The following RPS6KC1 variants were observed in gnomAD, a reference collection of about 807,000 sequenced individuals.
RPS6KC1 encodes the protein inactive ribosomal protein S6 kinase delta-1.
In RPS6KC1, 54 loss-of-function variants were observed where a neutral mutation model predicts 103.8. That is an observed-to-expected ratio of 0.52 (90% CI 0.42 to 0.65). RPS6KC1 has a LOEUF of 0.65. Among genes scored for constraint, RPS6KC1 ranks in the 30% least tolerant of loss-of-function variants. The pLI is 0.00. For missense variants in RPS6KC1, 1,151 were observed against 1,253.8 expected (o/e 0.92, Z 1.24); for synonymous variants, 439 against 438.7 (o/e 1.00, Z -0.01).
At chr1:213,657,385 A>G in the RPS6KC1 span, among the ~76,000 whole-genome samples, 151,302 of 152,256 alleles carry the variant, frequency 0.99, 75,182 homozygotes, top group East Asian at 1. Context: ...TAGTTGGATG[A>G]TGAAGAATTG....
At chr1:213,661,672 C>G in the RPS6KC1 span, among the ~76,000 whole-genome samples, 4 of 152,084 alleles carry the variant, frequency 2.6e-5, no homozygotes, top group Non-Finnish European at 4.4e-5. Flanking sequence ...TTGAATGAAA[C>G]AATTAGGGAT....
the RPS6KC1 span, among the ~76,000 whole-genome samples, chr1:213,744,583 A>G: frequency 6.6e-6 from 1 of 151,994 alleles, no homozygotes; most frequent in Admixed American, 6.6e-5. Flanking sequence ...TAGTTTCTTT[A>G]TCTGTAAAAT....
At chr1:213,196,490 A>G (rs1047300826) in intron 8 of RPS6KC1, among the ~76,000 whole-genome samples, 1 of 152,132 alleles carries the variant, frequency 6.6e-6, no homozygotes, top group Non-Finnish European at 1.5e-5. Context: ...GTTTAACTAC[A>G]TCCCATCTAT....
the RPS6KC1 span, among the ~76,000 whole-genome samples, chr1:213,426,368 C>A: frequency 1.3e-5 from 2 of 152,118 alleles, no homozygotes; most frequent in African/African-American, 4.8e-5. Flanking sequence ...TGGGCCACCT[C>A]ATGCCCTCGG....
At chr1:213,857,300 C>T in the RPS6KC1 span, among the ~76,000 whole-genome samples, 1 of 152,182 alleles carries the variant, frequency 6.6e-6, no homozygotes, top group African/African-American at 2.4e-5. Context: ...GAATTTCAGA[C>T]TCCTCATGAA....
At chr1:213,657,037 G>A in the RPS6KC1 span, among the ~76,000 whole-genome samples, 1 of 152,154 alleles carries the variant, frequency 6.6e-6, no homozygotes, top group African/African-American at 2.4e-5. Context: ...GCTGAAGAGA[G>A]GGAAGAAATG....
At chr1:213,844,008 A>T in the RPS6KC1 span, among the ~76,000 whole-genome samples, 1 of 152,128 alleles carries the variant, frequency 6.6e-6, no homozygotes, top group Non-Finnish European at 1.5e-5. Context: ...GGGGAAAAAA[A>T]AAAAGAAGAA....
the RPS6KC1 span, among the ~76,000 whole-genome samples, chr1:213,418,814 C>T: frequency 2.6e-5 from 4 of 152,164 alleles, no homozygotes; most frequent in Non-Finnish European, 5.9e-5. Flanking sequence ...CCGGGGTGAG[C>T]GTTTTCTAGC....
chr1:213,712,979 T>A, the RPS6KC1 span, among the ~76,000 whole-genome samples: 8 of 152,124 alleles, frequency 5.3e-5, no homozygotes, highest in Non-Finnish European at 1.5e-5. Flanking sequence ...TGGGAATCGG[T>A]TTTTGGTTAC....
intron 6 of RPS6KC1, among the ~76,000 whole-genome samples, chr1:213,165,304 C>T (rs1316540240): frequency 1.3e-5 from 2 of 152,160 alleles, no homozygotes; most frequent in East Asian, 3.8e-4. Flanking sequence ...GATCTCAGCT[C>T]AGTGCAACCT....
At position 213,232,200 on chromosome 1, in the gene RPS6KC1, G is replaced by A; in HGVS notation, c.1170G>A (p.Leu390=). The part of the protein sequence containing the change: ...IPRCVPNMVC[L]HKYIISEESV... ...GCTGTGTGCCCAACATGGTGTGTCT[G>A]CATAAGTACATCATCTCTGAGGAGT... Residue 390 remains leucine, a synonymous_variant, in exon 10 of 15, where the codon CTG becomes CTA. Coordinates refer to ENST00000366960, the MANE Select transcript of RPS6KC1 (RefSeq NM_012424.6). 1.2e-6 allele frequency: 2 copies of A among 1,614,036 alleles called. No individual in the cohort carries two copies. Among genetic ancestry groups the A allele is most frequent in the Non-Finnish European group, 1.7e-6 (2 of 1,179,902 alleles).
the RPS6KC1 span, among the ~76,000 whole-genome samples, chr1:213,826,217 T>A: frequency 6.6e-6 from 1 of 152,208 alleles, no homozygotes. Context: ...TAATAGAATT[T>A]TTTTAAGTTT....
chr1:213,747,845 C>T, the RPS6KC1 span, among the ~76,000 whole-genome samples: 1 of 152,142 alleles, frequency 6.6e-6, no homozygotes, highest in African/African-American at 2.4e-5. Context: ...CAACATTTCT[C>T]AAATTCAGTG....
At position 213,129,995 on chromosome 1, in the gene RPS6KC1, A is replaced by C. The variant is rs962151020; in HGVS notation, c.835+106A>C. ...TATAGTCTTATGGAAATAATACTGA[A>C]AATGAGAAATTACTGAAGCTTAAAA... On this transcript the variant is annotated intron_variant, in intron 6 of 14. Coordinates refer to ENST00000366960, the MANE Select transcript of RPS6KC1 (RefSeq NM_012424.6). 1.9e-5 allele frequency: 21 copies of C among 1,134,262 alleles called. 1 individual carries two copies. The South Asian group carries it at 3.5e-4, about 19-fold the overall frequency. 70.3% of individuals were successfully genotyped at this position (1,134,262 alleles called of 1,614,324 possible).
chr1:213,661,540 T>A, the RPS6KC1 span, among the ~76,000 whole-genome samples: 2 of 152,326 alleles, frequency 1.3e-5, no homozygotes, highest in East Asian at 3.9e-4. Context: ...TAAAGGTCAG[T>A]CTGAATCAGG....
At chr1:213,127,304 C>T (rs1251800729) in intron 5 of RPS6KC1, among the ~76,000 whole-genome samples, 1 of 152,170 alleles carries the variant, frequency 6.6e-6, no homozygotes, top group Non-Finnish European at 1.5e-5. Context: ...GGCAGTGTCA[C>T]CAAACCGTAA....
At chr1:213,152,685 G>A (rs1467327786) in intron 6 of RPS6KC1, among the ~76,000 whole-genome samples, 8 of 151,828 alleles carry the variant, frequency 5.3e-5, no homozygotes, top group African/African-American at 1.9e-4. Flanking sequence ...ATGTGATGGC[G>A]GCCGGGCAGA....
intron 6 of RPS6KC1, among the ~76,000 whole-genome samples, chr1:213,153,076 A>T (rs1381145959): frequency 6.6e-6 from 1 of 152,228 alleles, no homozygotes; most frequent in Non-Finnish European, 1.5e-5. Context: ...CGTCTCCACC[A>T]AAACCAGTCA....
At chr1:213,428,299 T>C in the RPS6KC1 span, among the ~76,000 whole-genome samples, 1 of 152,192 alleles carries the variant, frequency 6.6e-6, no homozygotes, top group African/African-American at 2.4e-5. Context: ...CATCTTTTAT[T>C]AGTTTTTACT....
Sources: gnomAD v4.1 joint callset for allele counts (sites outside exome capture counted in the v4.1 genomes callset) on GRCh38, gnomAD v4.1.1 for gene constraint, MANE v1.5 for transcripts, NCBI Gene and HGNC (gene_info 2026-07-23, HGNC 2026-07-21) for gene names.